The following ANPEP variants were observed in gnomAD, a reference collection of about 807,000 sequenced individuals.
The protein encoded by ANPEP is aminopeptidase N.
ANPEP carries 70 observed loss-of-function variants against 114.6 expected under a neutral mutation model. The ratio of observed to expected loss-of-function variants is 0.61; its 90% CI spans 0.50 to 0.75. The LOEUF (loss-of-function observed/expected upper bound fraction) is 0.75. ANPEP is among the 30% of genes least tolerant of loss of function. The pLI is 0.00. For synonymous variants in ANPEP, 548 were observed against 522.3 expected (o/e 1.05, Z -0.67); for missense variants, 1,184 against 1,259.5 (o/e 0.94, Z 0.91).
intron 20 of ANPEP, among the ~76,000 whole-genome samples, chr15:89,789,804 C>T (rs1277221950): frequency 6.1e-5 from 9 of 146,448 alleles, no homozygotes; most frequent in Non-Finnish European, 1.3e-4. Context: ...GACGCCGTGG[C>T]TCACGCCTGT....
chr15:89,797,797 C>A, intron 14 of ANPEP, 75 bp from the exon 15 acceptor site: 1 of 1,596,396 alleles, frequency 6.3e-7, no homozygotes, highest in Admixed American at 1.8e-5. Context: ...CCAACCCAGG[C>A]CCTCAAAGAT....
intron 19 of ANPEP, 80 bp downstream of exon 19, chr15:89,790,873 C>A: frequency 6.5e-7 from 1 of 1,534,034 alleles, no homozygotes. Flanking sequence ...GTGCCCCCGG[C>A]GTGTCTTACC....
At chr15:89,797,333 T>C (rs902735542) in intron 15 of ANPEP, 7 of 457,780 alleles carry the variant, frequency 1.5e-5, no homozygotes, top group African/African-American at 2.0e-5. Flanking sequence ...CCACGCAGCC[T>C]CCTCACTCAC....
In ANPEP at chr15:89,803,787, C is replaced by G. The variant is rs754936787; in HGVS notation, c.1297G>C (p.Asp433His). ...DYAEPTWNLKDLMVLNDVYRV... is the reference protein window; with the variant it reads ...DYAEPTWNLKHLMVLNDVYRV... ...TACACATCATTCAGCACCATGAGGT[C>G]TTTCTGCAAATTCCCCAGGGCCATC... The change falls in exon 8 of 21, where the codon GAC (aspartate) becomes CAC (histidine). Residue 433 changes from aspartate to histidine, a missense_variant. Asp to His is a moderately conservative substitution (Grantham distance 81). Coordinates refer to ENST00000300060, the MANE Select transcript of ANPEP (RefSeq NM_001150.3). The surrounding 1 kb of genome is among the most constrained non-coding windows in gnomAD (Gnocchi z 4.2). The G allele has an allele frequency of 1.2e-6, 2 of 1,607,172 alleles. No homozygotes were observed. Among genetic ancestry groups the G allele is most frequent in the South Asian group, 2.2e-5 (2 of 90,696 alleles).
intron 15 of ANPEP, 127 bp from the exon 16 acceptor site, chr15:89,793,253 CAAA>C: frequency 1.4e-6 from 1 of 727,158 alleles, no homozygotes; most frequent in Non-Finnish European, 2.3e-6. Flanking sequence ...CACCTGAGGC[CAAA>C]CAGTGCTCAA....
Position 89,803,383 on chromosome 15 carries a change from C to A in ANPEP, c.1503+59G>T. The A allele has an allele frequency of 6.2e-7, 1 of 1,613,416 alleles. No homozygotes were observed. Among genetic ancestry groups the A allele is most frequent in the South Asian group, 1.1e-5 (1 of 91,002 alleles). ...CTCTGTGGTGGGCAGAGGCCCGGGTCAAGGGCGAGGGGCAGAAGGAGACCC... is the reference window on the plus strand; with the variant it reads ...CTCTGTGGTGGGCAGAGGCCCGGGTAAAGGGCGAGGGGCAGAAGGAGACCC... On this transcript the variant is annotated intron_variant, in intron 9 of 20. Coordinates refer to ENST00000300060, the MANE Select transcript of ANPEP (RefSeq NM_001150.3). The surrounding 1 kb of genome is among the most constrained non-coding windows in gnomAD (Gnocchi z 4.2).
chr15:89,785,770 A>G (rs1289822214), intron 20 of ANPEP, among the ~76,000 whole-genome samples: 1 of 152,240 alleles, frequency 6.6e-6, no homozygotes, highest in African/African-American at 2.4e-5. Context: ...CAATCCAATC[A>G]AGAGAGTAGA....
chr15:89,810,084 G>A (rs1000713398), intron 1 of ANPEP, among the ~76,000 whole-genome samples: 1 of 152,062 alleles, frequency 6.6e-6, no homozygotes, highest in African/African-American at 2.4e-5. Context: ...CAGCACTTAG[G>A]AAAATGCCAC....
chr15:89,809,802 C>T (rs1177797229), intron 1 of ANPEP, among the ~76,000 whole-genome samples: 1 of 152,232 alleles, frequency 6.6e-6, no homozygotes, highest in Non-Finnish European at 1.5e-5. Flanking sequence ...TGGCTTGGGC[C>T]TTAATACCTT....
chr15:89,785,588 C>G (rs1476196844), intron 20 of ANPEP, 87 bp from the exon 21 acceptor site: 1 of 1,568,996 alleles, frequency 6.4e-7, no homozygotes, highest in African/African-American at 1.4e-5. Context: ...CTTTCCACTC[C>G]CACTTTAGAG....
intron 5 of ANPEP, 23 bp from the exon 6 acceptor site, chr15:89,804,430 A>G (rs780905054): frequency 1.2e-6 from 2 of 1,614,142 alleles, no homozygotes; most frequent in East Asian, 4.5e-5. Flanking sequence ...TGCCATTGGC[A>G]GGATGAACTC....
rs747104767 is a variant in ANPEP at position 89,804,001 on chromosome 15, C to A, written c.1181G>T (p.Trp394Leu). The change falls in exon 7 of 21, where the codon TGG becomes TTG. Residue 394 changes from tryptophan (W) to leucine (L), a missense_variant and splice_region_variant. By Grantham distance (61) the Trp-to-Leu change is moderately conservative. Coordinates refer to ENST00000300060, the MANE Select transcript of ANPEP (RefSeq NM_001150.3). ...TVIAHELAHQWFGNLVTIEWW... is the reference protein window; with the variant it reads ...TVIAHELAHQLFGNLVTIEWW... Reference sequence around the variant, plus strand: ...CTCTATGGTCACCAGGTTCCCGAACCACTGTGGGGGGAGGGGTCAGCTGGG... The same window carrying A: ...CTCTATGGTCACCAGGTTCCCGAACAACTGTGGGGGGAGGGGTCAGCTGGG... 4 of 1,613,992 alleles carry A rather than the reference C, an allele frequency of 2.5e-6. No individual in the cohort carries two copies. Among genetic ancestry groups the A allele is most frequent in the East Asian group, 2.2e-5 (1 of 44,868 alleles).
Position 89,800,424 on chromosome 15 carries a change from T to C in ANPEP, c.1819+687A>G, listed in dbSNP as rs141062198. 4.9e-3 allele frequency among the ~76,000 whole-genome samples: 740 copies of C among 152,270 alleles called. 12 individuals carry two copies. The highest frequency in any genetic ancestry group is 0.017 in the African/African-American group (708 of 41,552). ...ACTAGAATGCCTCCAACTTCTTGCC[T>C]TCCTTCATCTGTAGCCTTGGCCAAG... On this transcript the variant is annotated intron_variant, in intron 12 of 20. Transcript: ENST00000300060.
chr15:89,797,912 G>A (rs1284832071), intron 14 of ANPEP, among the ~76,000 whole-genome samples, 190 bp from the exon 15 acceptor site: 1 of 152,238 alleles, frequency 6.6e-6, no homozygotes, highest in East Asian at 1.9e-4. Flanking sequence ...CTACATGGCT[G>A]CTGGGTGGTG....
At chr15:89,794,396 A>G (rs1968689704) in intron 15 of ANPEP, among the ~76,000 whole-genome samples, 1 of 152,186 alleles carries the variant, frequency 6.6e-6, no homozygotes, top group Non-Finnish European at 1.5e-5. Flanking sequence ...AGGCAGGAGA[A>G]TCGCTTGAAT....
intron 15 of ANPEP, among the ~76,000 whole-genome samples, chr15:89,793,940 G>C (rs1038533032): frequency 3.3e-5 from 5 of 152,010 alleles, no homozygotes; most frequent in African/African-American, 9.7e-5. Flanking sequence ...AAAATCCTTT[G>C]TGGACTCTGG....
At chr15:89,792,132 C>A (rs374258535) in intron 18 of ANPEP, 28 bp downstream of exon 18, 3 of 1,598,642 alleles carry the variant, frequency 1.9e-6, no homozygotes, top group African/African-American at 2.7e-5. Flanking sequence ...AGAGGGCTCT[C>A]GCAGTCCCAC....
intron 15 of ANPEP, among the ~76,000 whole-genome samples, chr15:89,796,282 A>G (rs1456730293): frequency 6.6e-6 from 1 of 152,252 alleles, no homozygotes; most frequent in African/African-American, 2.4e-5. Context: ...AAAAGGAAAC[A>G]TAAACATAGT....
chr15:89,793,206 G>C (rs1968666511), intron 15 of ANPEP, 80 bp from the exon 16 acceptor site: 1 of 1,312,466 alleles, frequency 7.6e-7, no homozygotes, highest in Admixed American at 1.8e-5. Flanking sequence ...TGATGTTGGG[G>C]GGCAGGCGCT....
Sources: gnomAD v4.1 joint callset for allele counts (sites outside exome capture counted in the v4.1 genomes callset) on GRCh38, gnomAD v4.1.1 for gene constraint, Gnocchi (gnomAD v3.1) non-coding constraint, MANE v1.5 for transcripts, NCBI Gene and HGNC (gene_info 2026-07-23, HGNC 2026-07-21) for gene names.